Variants in BARHL2 observed in about 807,000 individuals in gnomAD.
The protein encoded by BARHL2 is barH-like 2 homeobox protein.
A neutral mutation model predicts 27.1 loss-of-function variants in BARHL2; 10 were observed. That is an observed-to-expected ratio of 0.37 (90% CI 0.23 to 0.63). The LOEUF (loss-of-function observed/expected upper bound fraction) is 0.63. BARHL2 is among the 20% of genes least tolerant of loss of function. The pLI is 0.65. For missense variants in BARHL2, 483 were observed against 533.5 expected, an observed-to-expected ratio of 0.91 and a Z score of 0.93; for synonymous variants, 248 against 224.7, an observed-to-expected ratio of 1.10 and a Z score of -0.93.
intron 2 of BARHL2, among the ~76,000 whole-genome samples, chr1:90,713,742 C>G (rs1451798543): frequency 6.6e-6 from 1 of 152,214 alleles, no homozygotes; most frequent in Non-Finnish European, 1.5e-5. Context: ...TCAGATTGCC[C>G]AGGTTCCACT....
intron 1 of BARHL2, among the ~76,000 whole-genome samples, chr1:90,715,631 T>C (rs1658128544): frequency 6.6e-6 from 1 of 152,068 alleles, no homozygotes; most frequent in Admixed American, 6.6e-5. Flanking sequence ...AATAGTAAAA[T>C]GAGGAGCCAA....
intron 2 of BARHL2, among the ~76,000 whole-genome samples, chr1:90,714,320 T>C (rs1381433138): frequency 1.3e-5 from 2 of 152,182 alleles, no homozygotes. Flanking sequence ...GCACATAGAA[T>C]TGCAAAATTG....
rs909965872 is a variant in BARHL2 at position 90,711,831 on chromosome 1, G to T, written c.*481C>A. On this transcript the variant is annotated 3_prime_UTR_variant, in exon 3 of 3. Coordinates refer to ENST00000370445, the MANE Select transcript of BARHL2 (RefSeq NM_020063.2). ...TCTCAGTTACCCTCCTCTTTTCTCT[G>T]GGGCAGACGGAATGTCCTCGGCAAC... The T allele has an allele frequency of 1.3e-5, 2 of 152,260 alleles. No individual in the cohort carries two copies. The highest frequency in any genetic ancestry group is 4.8e-5 in the African/African-American group (2 of 41,290). 9.4% of individuals were successfully genotyped at this position (152,260 alleles called of 1,614,324 possible).
chr1:90,714,887 AACAC>A, intron 1 of BARHL2, 131 bp from the exon 2 acceptor site: 1 of 749,184 alleles, frequency 1.3e-6, no homozygotes, highest in Non-Finnish European at 2.3e-6. Flanking sequence ...CCACCCCTAG[AACAC>A]ACACACACTC....
chr1:90,716,502 G>C, intron 1 of BARHL2, 69 bp downstream of exon 1: 1 of 1,511,716 alleles, frequency 6.6e-7, no homozygotes, highest in African/African-American at 1.4e-5. Flanking sequence ...ATCTGCTGAA[G>C]GCTGAAGGGG....
rs367953586 is a variant in BARHL2 at position 90,714,608 on chromosome 1, G to A, written c.774C>T (p.Ser258=). The change falls in exon 2 of 3, where the codon AGC becomes AGT. Residue 258 remains serine, a synonymous_variant. Transcript: ENST00000370445. ...CAGCCAGGTCCATGCGATCCTGCAC[G>A]CTCAGGTACTTCTGCCGCTCAAAGC... is the stretch of plus-strand genomic sequence containing the variant. ...ERSFERQKYL[S]VQDRMDLAAA... 163 of 1,614,092 alleles carry A rather than the reference G, an allele frequency of 1.0e-4. No homozygotes were observed. The highest frequency in any genetic ancestry group is 8.0e-5 in the African/African-American group (6 of 74,930).
In BARHL2 at chr1:90,716,824, GGGCGGCGGCGGCGGCTGCTGT is replaced by G. The variant is rs748303673; in HGVS notation, c.351_371del (p.Gln118_Pro124del). Reference sequence around the variant, plus strand: ...AGGCGGCCGAGCCCAGCTGCTGGGGGGGCGGCGGCGGCGGCTGCTGTGGCGGCAGCGGCTGCTGCTGTTGGG... The same window carrying G: ...AGGCGGCCGAGCCCAGCTGCTGGGGGGGCGGCAGCGGCTGCTGCTGTTGGG... On this transcript the variant is annotated inframe_deletion, in exon 1 of 3. Transcript: ENST00000370445. 3 of 1,552,242 alleles carry G rather than the reference GGGCGGCGGCGGCGGCTGCTGT, an allele frequency of 1.9e-6. No homozygotes were observed. The highest frequency in any genetic ancestry group is 2.0e-5 in the Admixed American group (1 of 51,208).
rs1211209964 is a variant in BARHL2 at position 90,716,616 on chromosome 1, T to C, written c.580A>G (p.Lys194Glu). ...PKLEQEDSKT[K>E]LDKREDSQSD... is the part of the protein sequence containing the mutation. ...TGGGAATCCTCCCGCTTGTCGAGTT[T>C]GGTCTTGCTGTCCTCCTGCTCGAGC... Residue 194 changes from lysine (K) to glutamate (E), a missense_variant, in exon 1 of 3, where the codon AAA (lysine) becomes GAA (glutamate). By Grantham distance (56) the Lys-to-Glu change is moderately conservative. This residue lies in a region of BARHL2 where 304 missense variants were observed against 284.9 expected (regional missense o/e 1.07). Transcript: ENST00000370445. The C allele has an allele frequency of 1.2e-6, 2 of 1,614,090 alleles. No individual in the cohort carries two copies. The highest frequency in any genetic ancestry group is 2.7e-5 in the African/African-American group (2 of 74,944).
intron 2 of BARHL2, 29 bp downstream of exon 2, chr1:90,714,502 C>G (rs1658103308): frequency 6.3e-7 from 1 of 1,597,662 alleles, no homozygotes; most frequent in Non-Finnish European, 8.6e-7. Context: ...TGGCCAGACA[C>G]CTTTGCTCCC....
Position 90,712,325 on chromosome 1 carries a change from G to C in BARHL2, c.1151C>G (p.Pro384Arg). The change falls in exon 3 of 3, where the codon CCA becomes CGA. Residue 384 changes from proline (P) to arginine (R), a missense_variant. By Grantham distance (103) the Pro-to-Arg change is moderately radical (BLOSUM62 -2). Around this residue, in one of 3 missense-constraint regions of BARHL2, gnomAD observed 130 missense variants for 138.0 expected, o/e 0.94. Transcript: ENST00000370445. ...GCTGCAATGTTTTCACCGGGGGTGT[G>C]GGGTGCCTGGGATGGGGCTGGACAA... ...NPLSSPIPGT[P>R]HPR The C allele has an allele frequency of 6.8e-7, 1 of 1,472,116 alleles. No individual in the cohort carries two copies. Among genetic ancestry groups the C allele is most frequent in the Non-Finnish European group, 9.0e-7 (1 of 1,106,702 alleles). 91.2% of individuals were successfully genotyped at this position (1,472,116 alleles called of 1,614,324 possible).
intron 2 of BARHL2, among the ~76,000 whole-genome samples, chr1:90,713,070 G>A (rs72720394): frequency 0.044 from 6,716 of 151,904 alleles, 211 homozygotes; most frequent in Middle Eastern, 0.075. Context: ...TTCCTTCCCC[G>A]CCAGGCTGTG....
At chr1:90,715,882 G>A (rs996099091) in intron 1 of BARHL2, among the ~76,000 whole-genome samples, 3 of 151,840 alleles carry the variant, frequency 2.0e-5, no homozygotes, top group Admixed American at 6.6e-5. Context: ...AATTTCATAA[G>A]ATTTTATTTT....
rs753802149 is a variant in BARHL2, at chr1:90,717,129, C to T, written c.67G>A (p.Gly23Ser). Residue 23 changes from glycine (G) to serine (S), a missense_variant, in exon 1 of 3, where the codon GGC becomes AGC. This residue lies in a region of BARHL2 where 304 missense variants were observed against 284.9 expected (regional missense o/e 1.07). Coordinates refer to ENST00000370445, the MANE Select transcript of BARHL2 (RefSeq NM_020063.2). Reference protein sequence around the residue: ...IDTILSSASSGSPGMMNGDFR... With the variant: ...IDTILSSASSSSPGMMNGDFR... ...TCTCCATTCATCATGCCTGGGCTGC[C>T]TGAACTGGCACTGGACAAAATCGTG... 1 of 1,613,908 alleles carries T rather than the reference C, an allele frequency of 6.2e-7. No homozygotes were observed. The highest frequency in any genetic ancestry group is 8.5e-7 in the Non-Finnish European group (1 of 1,179,968).
intron 2 of BARHL2, 99 bp downstream of exon 2, chr1:90,714,432 G>A: frequency 1.7e-6 from 2 of 1,202,366 alleles, no homozygotes; most frequent in Non-Finnish European, 2.4e-6. Flanking sequence ...GTCACTCTCA[G>A]TCCTTAGAGT....
Position 90,717,045 on chromosome 1 carries a change from G to A in BARHL2, c.151C>T (p.Pro51Ser), listed in dbSNP as rs1658166838. ...ADFRSQATPS[P>S]CSEIDTVGTA... is the part of the protein sequence containing the mutation. The stretch of plus-strand genomic sequence containing the variant: ...CCTACGGTATCAATCTCCGAACAGG[G>A]AGATGGGGTGGCCTGACTCCTAAAA... Residue 51 changes from proline to serine, a missense_variant, in exon 1 of 3, where the codon CCC becomes TCC. Pro to Ser is a moderately conservative substitution (Grantham distance 74). Around this residue, in one of 3 missense-constraint regions of BARHL2, gnomAD observed 304 missense variants for 284.9 expected, o/e 1.07. Coordinates refer to ENST00000370445, the MANE Select transcript of BARHL2 (RefSeq NM_020063.2). 1 of 1,613,976 alleles carries A rather than the reference G, an allele frequency of 6.2e-7. No homozygotes were observed. The highest frequency in any genetic ancestry group is 2.2e-5 in the East Asian group (1 of 44,844).
In BARHL2 at chr1:90,714,119, C is replaced by T. The variant is rs185877945; in HGVS notation, c.851+412G>A. 1.7e-4 allele frequency among the ~76,000 whole-genome samples: 26 copies of T among 152,314 alleles called. No homozygotes were observed. In the East Asian group the frequency reaches 4.1e-3, roughly 24 times the overall value. On this transcript the variant is annotated intron_variant, in intron 2 of 2. Coordinates refer to ENST00000370445, the MANE Select transcript of BARHL2 (RefSeq NM_020063.2). ...GGGAATAGCAATAGCTGGGCCGGGC[C>T]GTGTTGTTGGCTACAAACCTTTGGA...
rs1658031813 is a variant in BARHL2, at chr1:90,711,552, A to G, written c.*760T>C. 1 of 152,216 alleles carries G rather than the reference A, an allele frequency of 6.6e-6. No individual in the cohort carries two copies. 9.4% of individuals were successfully genotyped at this position (152,216 alleles called of 1,614,324 possible). A position where few individuals can be genotyped will look rare whatever the true frequency, so the allele number is the denominator to read the frequency against. On this transcript the variant is annotated 3_prime_UTR_variant, in exon 3 of 3. Transcript: ENST00000370445. ...GGATTTCATCACTTGTTAAAAAAAGATAAACTTTATTTTTGTAATTTTCAA... is the reference window on the plus strand; with the variant it reads ...GGATTTCATCACTTGTTAAAAAAAGGTAAACTTTATTTTTGTAATTTTCAA...
rs899207841 is a variant in BARHL2, at chr1:90,716,516, T to C, written c.625+55A>G. 3.8e-6 allele frequency: 6 copies of C among 1,563,598 alleles called. No homozygotes were observed. The African/African-American group carries it at 4.1e-5, about 11-fold the overall frequency. On this transcript the variant is annotated intron_variant, in intron 1 of 2. Coordinates refer to ENST00000370445, the MANE Select transcript of BARHL2 (RefSeq NM_020063.2). ...GATCTGCTGAAGGCTGAAGGGGAGA[T>C]TGGGAACCAGGAGGACAAGCTAGAC...
Position 90,716,637 on chromosome 1 carries a change from C to G in BARHL2, c.559G>C (p.Glu187Gln). 1 of 1,614,082 alleles carries G rather than the reference C, an allele frequency of 6.2e-7. No homozygotes were observed. Among genetic ancestry groups the G allele is most frequent in the East Asian group, 2.2e-5 (1 of 44,864 alleles). ...AGTTTGGTCTTGCTGTCCTCCTGCT[C>G]GAGCTTTGGCCTGAAGCTCTCGTGC... is the stretch of plus-strand genomic sequence containing the variant. ...AVHESFRPKL[E>Q]QEDSKTKLDK... The change falls in exon 1 of 3, where the codon GAG becomes CAG. Residue 187 changes from glutamate (E) to glutamine (Q), a missense_variant. Glu to Gln is a conservative substitution (Grantham distance 29). Around this residue, in one of 3 missense-constraint regions of BARHL2, gnomAD observed 304 missense variants for 284.9 expected, o/e 1.07. Transcript: ENST00000370445.
Sources: gnomAD v4.1 joint callset for allele counts (sites outside exome capture counted in the v4.1 genomes callset) on GRCh38, gnomAD v4.1.1 for gene constraint, gnomAD v4.1.1 regional missense constraint, MANE v1.5 for transcripts, NCBI Gene and HGNC (gene_info 2026-07-23, HGNC 2026-07-21) for gene names.